The following TRPM3 variants were observed in gnomAD, a reference collection of about 807,000 sequenced individuals.
TRPM3 encodes transient receptor potential cation channel subfamily M member 3, also known as long transient receptor potential channel 3.
TRPM3 carries 77 observed loss-of-function variants against 181.2 expected under a neutral mutation model. The observed-to-expected ratio is 0.42, with a 90% CI of 0.35 to 0.51. TRPM3 has a LOEUF of 0.51. Among genes scored for constraint, TRPM3 ranks in the 20% least tolerant of loss-of-function variants. The probability of loss-of-function intolerance (pLI) is 0.01; values close to 1 mark genes in which losing one functional copy is unlikely to be tolerated. For missense variants in TRPM3, 1,759 were observed against 2,196.7 expected (o/e 0.80, Z 3.98); for synonymous variants, 745 against 796.4 (o/e 0.94, Z 1.09).
chr9:70,684,865 G>T (rs1371356823), intron 8 of TRPM3, among the ~76,000 whole-genome samples: 1 of 152,104 alleles, frequency 6.6e-6, no homozygotes, highest in Non-Finnish European at 1.5e-5. Flanking sequence ...ATCTGGTTTG[G>T]GTATTAGAGT....
intron 1 of TRPM3, among the ~76,000 whole-genome samples, chr9:71,268,383 A>AAAT (rs940022005): frequency 2.6e-5 from 4 of 151,972 alleles, no homozygotes; most frequent in African/African-American, 9.7e-5. Context: ...CTGTCTCAAA[A>AAAT]AATAATAATA....
At chr9:71,276,871 T>C (rs191369428) in intron 1 of TRPM3, among the ~76,000 whole-genome samples, 182 of 152,294 alleles carry the variant, frequency 1.2e-3, no homozygotes, top group African/African-American at 4.0e-3. Flanking sequence ...CTGCTTATGA[T>C]AGCAATAAAA....
chr9:70,608,130 C>T (rs540545444), intron 19 of TRPM3, among the ~76,000 whole-genome samples: 69 of 152,228 alleles, frequency 4.5e-4, no homozygotes, highest in Non-Finnish European at 8.7e-4. Flanking sequence ...TACCTCACTT[C>T]CGTTTTCTGT....
chr9:70,582,339 G>A (rs144223145), intron 22 of TRPM3, among the ~76,000 whole-genome samples: 2 of 152,142 alleles, frequency 1.3e-5, no homozygotes, highest in Non-Finnish European at 2.9e-5. Context: ...TTTATATGTA[G>A]TCCCTGAAAT....
At chr9:71,231,560 G>T (rs2081052986) in intron 1 of TRPM3, among the ~76,000 whole-genome samples, 1 of 152,146 alleles carries the variant, frequency 6.6e-6, no homozygotes, top group Non-Finnish European at 1.5e-5. Flanking sequence ...CTGAATTGGT[G>T]GCCATTTGTT....
chr9:70,546,844 G>A (rs879458862), intron 25 of TRPM3, among the ~76,000 whole-genome samples: 1 of 152,062 alleles, frequency 6.6e-6, no homozygotes, highest in Admixed American at 6.6e-5. Flanking sequence ...GATGCATCAG[G>A]GTCATTGCTA....
chr9:70,821,828 C>T (rs1323633998), intron 6 of TRPM3, among the ~76,000 whole-genome samples: 1 of 152,260 alleles, frequency 6.6e-6, no homozygotes, highest in East Asian at 1.9e-4. Context: ...TTCCTACTTG[C>T]CAGGTAAAAT....
At position 70,929,391 on chromosome 9, in the gene TRPM3, G is replaced by A. The variant is rs954159806; in HGVS notation, c.178-64880C>T. Among the ~76,000 whole-genome samples, 6 of 151,954 alleles carry A rather than the reference G, an allele frequency of 3.9e-5. No homozygotes were observed. The East Asian group carries it at 5.8e-4, about 15-fold the overall frequency. ...TGATTTTTATACTTTTAGTAGAGAC[G>A]GAGTTTCACCATGTTGGCCAGGCTG... On this transcript the variant is annotated intron_variant, in intron 1 of 25. Coordinates refer to ENST00000677713, the MANE Select transcript of TRPM3 (RefSeq NM_001366145.2).
intron 22 of TRPM3, among the ~76,000 whole-genome samples, chr9:70,589,639 G>A (rs556513360): frequency 4.6e-5 from 7 of 152,274 alleles, no homozygotes; most frequent in African/African-American, 1.7e-4. Context: ...GGTGAAGGCT[G>A]CACATTGTCA....
chr9:70,682,046 A>G (rs1381562482), intron 8 of TRPM3, among the ~76,000 whole-genome samples: 1 of 152,080 alleles, frequency 6.6e-6, no homozygotes, highest in Non-Finnish European at 1.5e-5. Flanking sequence ...TGCTGCCTTG[A>G]TTTTGGACTT....
chr9:71,107,689 C>T (rs1300030388), intron 1 of TRPM3, among the ~76,000 whole-genome samples: 1 of 152,088 alleles, frequency 6.6e-6, no homozygotes, highest in Non-Finnish European at 1.5e-5. Context: ...CACTTAAAAA[C>T]AAAACAGTGC....
chr9:71,363,952 C>T (rs72735830), intron 1 of TRPM3, among the ~76,000 whole-genome samples: 2,535 of 152,172 alleles, frequency 0.017, 69 homozygotes, highest in South Asian at 0.1. Flanking sequence ...GTACAAAAAT[C>T]GTTACAAAAT....
At position 70,851,186 on chromosome 9, in the gene TRPM3, C is replaced by G. The variant is rs529206715; in HGVS notation, c.463-4595G>C. Among the ~76,000 whole-genome samples, 4 of 152,154 alleles carry G rather than the reference C, an allele frequency of 2.6e-5. No individual in the cohort carries two copies. The East Asian group carries it at 7.7e-4, about 29-fold the overall frequency. On this transcript the variant is annotated intron_variant, in intron 3 of 25. Coordinates refer to ENST00000677713, the MANE Select transcript of TRPM3 (RefSeq NM_001366145.2). ...AAACAGAAAAGAAAATCCCGAAAAA[C>G]AAGAACAACAAAATAACCAGAATAC...
chr9:70,828,062 A>G (rs2093661042), intron 5 of TRPM3, 44 bp from the exon 6 acceptor site: 1 of 1,568,902 alleles, frequency 6.4e-7, no homozygotes, highest in African/African-American at 1.4e-5. Flanking sequence ...GAAAAAAAGA[A>G]CACAAGATAT....
At chr9:70,547,828 C>A (rs1270316752) in intron 25 of TRPM3, among the ~76,000 whole-genome samples, 1 of 152,140 alleles carries the variant, frequency 6.6e-6, no homozygotes, top group Non-Finnish European at 1.5e-5. Flanking sequence ...GGAACAGGGC[C>A]TTGGGGAAGG....
intron 22 of TRPM3, among the ~76,000 whole-genome samples, chr9:70,576,508 C>CTTTTTT (rs897195308): frequency 5.8e-5 from 8 of 138,912 alleles, no homozygotes; most frequent in African/African-American, 2.2e-4. Context: ...CCTCCTTCTT[C>CTTTTTT]TTTTTTTTTT....
intron 18 of TRPM3, among the ~76,000 whole-genome samples, chr9:70,612,192 A>T (rs986244626): frequency 9.9e-5 from 15 of 152,244 alleles, no homozygotes; most frequent in Non-Finnish European, 1.8e-4. Context: ...ACTCACTAGA[A>T]CAAAAAAGTG....
Position 70,786,311 on chromosome 9 carries a change from C to CAAAAAAAAAAAAAAAAAAAAA in TRPM3, c.974-2053_974-2033dup, listed in dbSNP as rs71367227. ...GAAACCCTGTCACTACTAAAAATAC[C>CAAAAAAAAAAAAAAAAAAAAA]AAAAAAAAAAAAAAAAAAAAAAAAT... is the stretch of plus-strand genomic sequence containing the variant. On this transcript the variant is annotated intron_variant, in intron 6 of 25. Coordinates refer to ENST00000677713, the MANE Select transcript of TRPM3 (RefSeq NM_001366145.2). Among the ~76,000 whole-genome samples, 50 of 54,444 alleles carry CAAAAAAAAAAAAAAAAAAAAA rather than the reference C, an allele frequency of 9.2e-4. 4 individuals carry two copies. Among genetic ancestry groups the CAAAAAAAAAAAAAAAAAAAAA allele is most frequent in the Non-Finnish European group, 1.1e-3 (31 of 29,114 alleles). 35.7% of individuals were successfully genotyped at this position (54,444 alleles called of 152,430 possible).
At chr9:71,248,488 C>A (rs139819341) in intron 1 of TRPM3, among the ~76,000 whole-genome samples, 1 of 152,330 alleles carries the variant, frequency 6.6e-6, no homozygotes, top group African/African-American at 2.4e-5. Flanking sequence ...GAAAGGATAT[C>A]TTTTAGACTC....
Sources: gnomAD v4.1 joint callset for allele counts (sites outside exome capture counted in the v4.1 genomes callset) on GRCh38, gnomAD v4.1.1 for gene constraint, MANE v1.5 for transcripts, NCBI Gene and HGNC (gene_info 2026-07-23, HGNC 2026-07-21) for gene names.